The following GABRB2 variants were observed in gnomAD, a reference collection of about 807,000 sequenced individuals.
The protein encoded by GABRB2 is gamma-aminobutyric acid type A receptor subunit beta2.
GABRB2 carries 16 observed loss-of-function variants against 54.7 expected under a neutral mutation model. That is an observed-to-expected ratio of 0.29 (90% confidence interval 0.20 to 0.44). The LOEUF (loss-of-function observed/expected upper bound fraction) is 0.44, where lower values mean the gene tolerates loss of function less well. Among genes scored for constraint, GABRB2 ranks in the 20% least tolerant of loss-of-function variants. GABRB2 has a pLI of 1.00. For synonymous variants in GABRB2, 244 were observed against 233.8 expected (o/e 1.04, Z -0.40); for missense variants, 355 against 644.0 (o/e 0.55, Z 4.86).
chr5:161,498,982 A>G (rs144413259), intron 3 of GABRB2, among the ~76,000 whole-genome samples: 3 of 152,216 alleles, frequency 2.0e-5, no homozygotes, highest in South Asian at 2.1e-4. Context: ...CCACGTCCTC[A>G]CGTCCTCACA....
At chr5:161,410,600 AAGAC>A (rs1291851331) in intron 5 of GABRB2, among the ~76,000 whole-genome samples, 8 of 152,162 alleles carry the variant, frequency 5.3e-5, no homozygotes, top group African/African-American at 1.9e-4. Flanking sequence ...ATGAGAGGCA[AAGAC>A]AGGACAACTT....
At chr5:161,496,687 C>T (rs890458468) in intron 3 of GABRB2, among the ~76,000 whole-genome samples, 7 of 151,918 alleles carry the variant, frequency 4.6e-5, no homozygotes, top group South Asian at 4.1e-4. Context: ...AAATTTAAAA[C>T]GTATCTTAGG....
chr5:161,534,732 A>C (rs1315890955), intron 3 of GABRB2, among the ~76,000 whole-genome samples: 2 of 152,172 alleles, frequency 1.3e-5, no homozygotes, highest in African/African-American at 4.8e-5. Context: ...AGAGATGTAA[A>C]CTTTATGATT....
chr5:161,533,175 C>G (rs951734572), intron 3 of GABRB2, among the ~76,000 whole-genome samples: 1 of 152,090 alleles, frequency 6.6e-6, no homozygotes, highest in Admixed American at 6.6e-5. Flanking sequence ...AGAATGTGAA[C>G]AAAGAGAACA....
intron 5 of GABRB2, among the ~76,000 whole-genome samples, chr5:161,363,625 C>T (rs1754885795): frequency 6.6e-6 from 1 of 152,066 alleles, no homozygotes; most frequent in Admixed American, 6.6e-5. Flanking sequence ...TCGCTTGAGC[C>T]CAGGAGTTCT....
intron 5 of GABRB2, among the ~76,000 whole-genome samples, chr5:161,363,616 C>T (rs201170129): frequency 6.6e-5 from 10 of 152,088 alleles, no homozygotes; most frequent in African/African-American, 2.2e-4. Context: ...GCAGGAGGAT[C>T]GCTTGAGCCC....
At chr5:161,301,419 T>G (rs889390618) in intron 9 of GABRB2, among the ~76,000 whole-genome samples, 2 of 152,072 alleles carry the variant, frequency 1.3e-5, no homozygotes, top group Admixed American at 6.5e-5. Flanking sequence ...ACTTTCTTTC[T>G]TTCTTTTTTT....
intron 5 of GABRB2, among the ~76,000 whole-genome samples, chr5:161,407,743 A>G (rs1756389025): frequency 6.6e-6 from 1 of 152,010 alleles, no homozygotes; most frequent in Admixed American, 6.6e-5. Context: ...GTTGCCTCTG[A>G]CCACACAGGT....
intron 8 of GABRB2, chr5:161,327,075 C>T (rs1758388877): frequency 3.8e-6 from 2 of 528,802 alleles, no homozygotes; most frequent in East Asian, 1.5e-4. Context: ...CACACACACA[C>T]AAACTAGAAG....
intron 3 of GABRB2, among the ~76,000 whole-genome samples, chr5:161,511,645 C>T (rs1759771134): frequency 6.6e-6 from 1 of 152,086 alleles, no homozygotes; most frequent in African/African-American, 2.4e-5. Context: ...TTTATTGTCT[C>T]ACAGTTCTGG....
intron 5 of GABRB2, among the ~76,000 whole-genome samples, chr5:161,407,057 A>G (rs1331820080): frequency 6.6e-6 from 1 of 152,106 alleles, no homozygotes; most frequent in South Asian, 2.1e-4. Context: ...ACAAGAAATG[A>G]TCCTTTGGAA....
chr5:161,414,785 G>C (rs1047006273), intron 4 of GABRB2, among the ~76,000 whole-genome samples: 1 of 151,638 alleles, frequency 6.6e-6, no homozygotes, highest in Non-Finnish European at 1.5e-5. Context: ...AACAAAGGGA[G>C]GGATCAATAA....
intron 5 of GABRB2, among the ~76,000 whole-genome samples, chr5:161,348,476 C>T (rs544370071): frequency 6.6e-6 from 1 of 152,098 alleles, no homozygotes; most frequent in South Asian, 2.1e-4. Context: ...TCCTGGAAAA[C>T]ATGACTGTAC....
Position 161,292,290 on chromosome 5 carries a change from T to C in GABRB2, c.*1791A>G, listed in dbSNP as rs1186278441. 1 of 152,104 alleles carries C rather than the reference T, an allele frequency of 6.6e-6. No homozygotes were observed. The highest frequency in any genetic ancestry group is 2.4e-5 in the African/African-American group (1 of 41,416). The allele number at this position is 152,104 out of a possible 1,614,324, so 9.4% of individuals were successfully genotyped here. A position where few individuals can be genotyped will look rare whatever the true frequency, so the allele number is the denominator to read the frequency against. ...GTGGATACTGGCTGCTATGCACAATTAGGGATATTACTCTAAAAAGAAGAG... is the reference window on the plus strand; with the variant it reads ...GTGGATACTGGCTGCTATGCACAATCAGGGATATTACTCTAAAAAGAAGAG... On this transcript the variant is annotated 3_prime_UTR_variant, in exon 10 of 10. Transcript: ENST00000393959.
chr5:161,394,084 T>C (rs1755921516), intron 5 of GABRB2, among the ~76,000 whole-genome samples: 1 of 152,030 alleles, frequency 6.6e-6, no homozygotes, highest in Non-Finnish European at 1.5e-5. Flanking sequence ...AAACGCCTAC[T>C]AACTGGAAGT....
intron 3 of GABRB2, among the ~76,000 whole-genome samples, chr5:161,509,822 T>A (rs1242401749): frequency 6.6e-6 from 1 of 151,964 alleles, no homozygotes; most frequent in Non-Finnish European, 1.5e-5. Flanking sequence ...CACTATCATC[T>A]CTGCTTTGCC....
chr5:161,546,053 C>T (rs975749538), intron 2 of GABRB2, among the ~76,000 whole-genome samples: 4 of 152,186 alleles, frequency 2.6e-5, no homozygotes, highest in African/African-American at 9.7e-5. Context: ...AAAGCAAAGG[C>T]AGGGAAGCAA....
intron 3 of GABRB2, among the ~76,000 whole-genome samples, chr5:161,470,868 T>G (rs1758417303): frequency 6.6e-6 from 1 of 152,036 alleles, no homozygotes; most frequent in South Asian, 2.1e-4. Flanking sequence ...CATCATTTCT[T>G]GGTTAAGTGA....
At chr5:161,543,405 C>G (rs1283930574) in intron 3 of GABRB2, among the ~76,000 whole-genome samples, 1 of 152,124 alleles carries the variant, frequency 6.6e-6, no homozygotes, top group East Asian at 1.9e-4. Flanking sequence ...ATTAGCTAAC[C>G]TACTGCAGCA....
Sources: allele counts gnomAD v4.1 joint callset (sites outside exome capture counted in the v4.1 genomes callset), GRCh38; gene constraint gnomAD v4.1.1; transcripts MANE v1.5; gene names NCBI Gene and HGNC (gene_info 2026-07-23, HGNC 2026-07-21).